Variants in GLB1 observed in about 807,000 individuals in gnomAD.
The protein encoded by GLB1 is beta-galactosidase.
A neutral mutation model predicts 74.0 loss-of-function variants in GLB1; 56 were observed. The ratio of observed to expected loss-of-function variants is 0.76; its 90% CI spans 0.61 to 0.94. GLB1 has a LOEUF of 0.94. GLB1 is among the 40% of genes least tolerant of loss of function. The pLI is 0.00. For missense variants in GLB1, 787 were observed against 845.5 expected (o/e 0.93, Z 0.86); for synonymous variants, 323 against 323.6 (o/e 1.00, Z 0.02).
rs1446891091 is a variant in GLB1, at chr3:33,058,135, T to C, written c.687A>G (p.Lys229=). The C allele has an allele frequency of 6.2e-7, 1 of 1,614,026 alleles. No homozygotes were observed. The highest frequency in any genetic ancestry group is 8.5e-7 in the Non-Finnish European group (1 of 1,179,988). ...TGTAGAGGCCCTGCAGGGCCCCACA[T>C]TTCAGGAATGTTTTATGTGCTCCAT... ...TTDGAHKTFL[K]CGALQGLYTT... is the part of the protein sequence containing the mutation. The change falls in exon 6 of 16, where the codon AAA becomes AAG. Residue 229 remains lysine, a synonymous_variant. Transcript: ENST00000307363.
rs1254416422 is a variant in GLB1, at chr3:33,073,193, C to T, written c.76-480G>A. ...TGGATTAAAACTCCAGAGCCTGACG[C>T]CCCATCCTAGATATTGCTCTGAATC... On this transcript the variant is annotated intron_variant, in intron 1 of 15. Transcript: ENST00000307363. 2.0e-5 allele frequency among the ~76,000 whole-genome samples: 3 copies of T among 152,102 alleles called. No homozygotes were observed. The East Asian group carries it at 5.8e-4, about 29-fold the overall frequency.
the GLB1 span, among the ~76,000 whole-genome samples, chr3:32,989,349 G>C: frequency 6.6e-6 from 1 of 152,178 alleles, no homozygotes; most frequent in African/African-American, 2.4e-5. Flanking sequence ...CCTTCTCTCT[G>C]CTCACTTCTT....
At chr3:33,068,320 G>A in intron 3 of GLB1, 30 bp from the exon 4 acceptor site, 1 of 1,613,750 alleles carries the variant, frequency 6.2e-7, no homozygotes, top group South Asian at 1.1e-5. Context: ...CCATTATAAT[G>A]TCTGTTCCGT....
the GLB1 span, among the ~76,000 whole-genome samples, chr3:32,962,203 AG>A: frequency 6.2e-5 from 9 of 145,002 alleles, no homozygotes. Context: ...TAAAAAAAAA[AG>A]AGAGTCTGAG....
chr3:32,973,899 G>A, the GLB1 span, among the ~76,000 whole-genome samples: 1 of 152,156 alleles, frequency 6.6e-6, no homozygotes, highest in African/African-American at 2.4e-5. Context: ...AGTCCTCTGG[G>A]TTTTGGCACT....
chr3:33,007,921 G>C (rs531366030), intron 15 of GLB1, among the ~76,000 whole-genome samples: 1 of 152,206 alleles, frequency 6.6e-6, no homozygotes, highest in Admixed American at 6.5e-5. Context: ...AGGTAGATGT[G>C]CCACTGAGCA....
At chr3:33,007,240 A>T (rs1272753206) in intron 15 of GLB1, among the ~76,000 whole-genome samples, 2 of 152,230 alleles carry the variant, frequency 1.3e-5, no homozygotes, top group African/African-American at 2.4e-5. Context: ...CATAGAATTC[A>T]TATACCATAC....
chr3:33,045,705 A>T (rs1220033556), intron 10 of GLB1: 1 of 1,079,070 alleles, frequency 9.3e-7, no homozygotes, highest in East Asian at 6.7e-5. Flanking sequence ...ATGCTGCCTT[A>T]ATAGGGGCTA....
At chr3:32,981,417 G>A in the GLB1 span, among the ~76,000 whole-genome samples, 1,257 of 113,486 alleles carry the variant, frequency 0.011, 20 homozygotes, top group African/African-American at 0.035. Flanking sequence ...AAAAAAAAAA[G>A]AAAAAGAAAA....
chr3:32,970,679 G>A, the GLB1 span, among the ~76,000 whole-genome samples: 1,807 of 152,218 alleles, frequency 0.012, 79 homozygotes, highest in East Asian at 0.12. Context: ...ATAGCCGGCT[G>A]AAACCAGTGG....
the GLB1 span, among the ~76,000 whole-genome samples, chr3:32,970,696 T>C: frequency 1.3e-5 from 2 of 152,152 alleles, no homozygotes; most frequent in African/African-American, 4.8e-5. Flanking sequence ...GTGGCAGCAG[T>C]GACTCCCGAT....
At chr3:33,079,382 A>G (rs1700242988) in intron 1 of GLB1, among the ~76,000 whole-genome samples, 1 of 152,244 alleles carries the variant, frequency 6.6e-6, no homozygotes, top group Non-Finnish European at 1.5e-5. Context: ...ACAAACACTG[A>G]CTGCTAGTTA....
downstream of GLB1, among the ~76,000 whole-genome samples, chr3:32,995,844 CAA>C (rs71070110): frequency 0.14 from 17,039 of 124,134 alleles, 1,077 homozygotes; most frequent in African/African-American, 0.22. Context: ...GACCCAGCCT[CAA>C]AAAAAAAAAA....
intron 15 of GLB1, among the ~76,000 whole-genome samples, chr3:33,013,385 G>T (rs1697105570): frequency 6.6e-6 from 1 of 152,188 alleles, no homozygotes; most frequent in Non-Finnish European, 1.5e-5. Context: ...ATGAGGGAAA[G>T]GACCATGTTT....
At chr3:32,984,739 C>T in the GLB1 span, among the ~76,000 whole-genome samples, 3,473 of 151,904 alleles carry the variant, frequency 0.023, 131 homozygotes, top group African/African-American at 0.078. Context: ...CTGGCTAACA[C>T]AGTGAAATCC....
chr3:32,984,364 G>A, the GLB1 span, among the ~76,000 whole-genome samples: 1 of 152,262 alleles, frequency 6.6e-6, no homozygotes, highest in East Asian at 1.9e-4. Context: ...CCTGACAAGT[G>A]CATCCCCCAG....
At chr3:33,022,563 G>GTTTTTTTTTTTTTTTTTTTTTTT in intron 11 of GLB1, among the ~76,000 whole-genome samples, 1 of 15,334 alleles carries the variant, frequency 6.5e-5, no homozygotes, top group Admixed American at 1.1e-3. Flanking sequence ...TACTGGTTAG[G>GTTTTTTTTTTTTTTTTTTTTTTT]ATTTTTTTTT....
chr3:33,021,339 C>G, intron 12 of GLB1: 1 of 582,818 alleles, frequency 1.7e-6, no homozygotes, highest in Non-Finnish European at 3.1e-6. Context: ...GTTGGGCTAC[C>G]TCCTGTATGA....
intron 10 of GLB1, among the ~76,000 whole-genome samples, chr3:33,032,233 C>T (rs976514713): frequency 6.6e-6 from 1 of 152,192 alleles, no homozygotes; most frequent in Non-Finnish European, 1.5e-5. Context: ...TCAACCTCTC[C>T]CTGGACTTCG....
Sources: gnomAD v4.1 joint callset for allele counts (sites outside exome capture counted in the v4.1 genomes callset) on GRCh38, gnomAD v4.1.1 for gene constraint, MANE v1.5 for transcripts, NCBI Gene and HGNC (gene_info 2026-07-23, HGNC 2026-07-21) for gene names.